The following PDE7B variants were observed in gnomAD, a reference collection of about 807,000 sequenced individuals.
The protein encoded by PDE7B is 3',5'-cyclic-AMP phosphodiesterase 7B.
A neutral mutation model predicts 56.2 loss-of-function variants in PDE7B; 29 were observed. The ratio of observed to expected loss-of-function variants is 0.52; its 90% CI spans 0.38 to 0.70. The LOEUF (loss-of-function observed/expected upper bound fraction) is 0.70, where lower values mean the gene tolerates loss of function less well. Ranked by LOEUF, PDE7B falls within the 30% of genes least tolerant of loss-of-function variation. PDE7B has a pLI of 0.00. For synonymous variants in PDE7B, 197 were observed against 196.9 expected (o/e 1.00, Z 0.00); for missense variants, 490 against 565.0 (o/e 0.87, Z 1.35).
chr6:135,938,829 A>C (rs990687152), intron 1 of PDE7B, among the ~76,000 whole-genome samples: 2 of 152,222 alleles, frequency 1.3e-5, no homozygotes, highest in Admixed American at 1.3e-4. Flanking sequence ...CTAGGGATAA[A>C]ATGACAGAAA....
chr6:136,130,167 A>C (rs1778093008), intron 3 of PDE7B, among the ~76,000 whole-genome samples: 1 of 152,188 alleles, frequency 6.6e-6, no homozygotes, highest in Admixed American at 6.5e-5. Context: ...GACCCAGTCC[A>C]TTACCAGAAA....
intron 2 of PDE7B, among the ~76,000 whole-genome samples, chr6:136,093,727 G>C (rs1287409997): frequency 6.6e-6 from 1 of 152,186 alleles, no homozygotes; most frequent in Non-Finnish European, 1.5e-5. Flanking sequence ...AACAGGACTT[G>C]CCACAAGTGG....
intron 2 of PDE7B, among the ~76,000 whole-genome samples, chr6:135,973,764 A>G (rs958767819): frequency 7.9e-5 from 12 of 152,120 alleles, no homozygotes; most frequent in Admixed American, 7.9e-4. Flanking sequence ...GGCCATTTTT[A>G]TATGTTTTAG....
At chr6:136,152,140 C>T (rs764954906) in intron 6 of PDE7B, among the ~76,000 whole-genome samples, 4 of 151,994 alleles carry the variant, frequency 2.6e-5, no homozygotes, top group African/African-American at 4.8e-5. Context: ...AGTGGACTCA[C>T]GTGGTTTAAA....
At chr6:136,010,020 C>T (rs1207333484) in intron 2 of PDE7B, among the ~76,000 whole-genome samples, 4 of 152,128 alleles carry the variant, frequency 2.6e-5, no homozygotes, top group Non-Finnish European at 4.4e-5. Context: ...TTCTCTAATT[C>T]TTTCAGTTGT....
In PDE7B at chr6:135,944,399, A is replaced by C. The variant is rs889086272; in HGVS notation, c.22-3065A>C. Among the ~76,000 whole-genome samples the C allele has an allele frequency of 8.5e-5, 13 of 152,222 alleles. No homozygotes were observed. In the South Asian group the frequency reaches 2.5e-3, roughly 29 times the overall value. On this transcript the variant is annotated intron_variant, in intron 1 of 12. Coordinates refer to ENST00000308191, the MANE Select transcript of PDE7B (RefSeq NM_018945.4). ...TCAACAGGAAAAAGCACTAGAAAGA[A>C]ACTGGTTTTTTTCAAGCCCTGAGAA...
At chr6:135,926,580 T>C (rs1774195567) in intron 1 of PDE7B, among the ~76,000 whole-genome samples, 1 of 152,068 alleles carries the variant, frequency 6.6e-6, no homozygotes, top group Admixed American at 6.6e-5. Context: ...AGAGCACTTT[T>C]CAAAGAGGGT....
At chr6:135,943,926 A>G (rs2128198995) in intron 1 of PDE7B, among the ~76,000 whole-genome samples, 1 of 152,356 alleles carries the variant, frequency 6.6e-6, no homozygotes, top group Non-Finnish European at 1.5e-5. Context: ...TGTTGCTAGC[A>G]GAGATCCAGC....
chr6:136,129,309 G>A (rs1778076027), intron 3 of PDE7B, among the ~76,000 whole-genome samples: 1 of 152,152 alleles, frequency 6.6e-6, no homozygotes, highest in African/African-American at 2.4e-5. Flanking sequence ...ATGGTGCTAA[G>A]TCTCATCTAT....
At chr6:135,906,798 T>A (rs1290123879) in intron 1 of PDE7B, among the ~76,000 whole-genome samples, 3 of 146,422 alleles carry the variant, frequency 2.0e-5, no homozygotes, top group Admixed American at 7.1e-5. Context: ...GACTCAAATG[T>A]TAATGAGGTT....
intron 8 of PDE7B, among the ~76,000 whole-genome samples, chr6:136,161,719 T>C: frequency 6.6e-6 from 1 of 152,190 alleles, no homozygotes; most frequent in East Asian, 1.9e-4. Context: ...AAAATTCAAA[T>C]AGGACTCTTT....
chr6:135,895,621 A>G (rs1414746556), intron 1 of PDE7B, among the ~76,000 whole-genome samples: 2 of 152,172 alleles, frequency 1.3e-5, no homozygotes, highest in East Asian at 1.9e-4. Context: ...AGGCAAAAAC[A>G]TTTCAGAAAT....
intron 4 of PDE7B, 59 bp from the exon 5 acceptor site, chr6:136,149,028 T>G: frequency 8.4e-7 from 1 of 1,184,598 alleles, no homozygotes; most frequent in East Asian, 2.3e-5. Context: ...TATCCCAAAG[T>G]AAATGTTTGA....
At chr6:135,966,819 G>A (rs1050579994) in intron 2 of PDE7B, among the ~76,000 whole-genome samples, 2 of 152,068 alleles carry the variant, frequency 1.3e-5, no homozygotes, top group Non-Finnish European at 2.9e-5. Context: ...AAGGTAACTC[G>A]GTGAAAAGGA....
At chr6:136,087,966 A>C (rs1172004224) in intron 2 of PDE7B, among the ~76,000 whole-genome samples, 1 of 152,312 alleles carries the variant, frequency 6.6e-6, no homozygotes, top group Non-Finnish European at 1.5e-5. Flanking sequence ...TCAACAAGTC[A>C]ATACCAGTGG....
At chr6:136,154,218 C>A in intron 7 of PDE7B, 43 bp downstream of exon 7, 2 of 1,257,170 alleles carry the variant, frequency 1.6e-6, no homozygotes, top group Non-Finnish European at 2.3e-6. Context: ...CTGGAAATGC[C>A]AAGGAAACTA....
At chr6:135,989,122 A>G (rs1775430273) in intron 2 of PDE7B, among the ~76,000 whole-genome samples, 1 of 152,204 alleles carries the variant, frequency 6.6e-6, no homozygotes, top group Non-Finnish European at 1.5e-5. Flanking sequence ...ATTAAGTTCT[A>G]TGTAATTAAA....
At chr6:136,096,672 T>C (rs1175171007) in intron 2 of PDE7B, among the ~76,000 whole-genome samples, 2 of 152,006 alleles carry the variant, frequency 1.3e-5, no homozygotes, top group Admixed American at 1.3e-4. Flanking sequence ...AAATTACTAT[T>C]ATTCTTAAGA....
At chr6:136,091,367 T>C (rs1777382116) in intron 2 of PDE7B, among the ~76,000 whole-genome samples, 1 of 152,156 alleles carries the variant, frequency 6.6e-6, no homozygotes, top group Admixed American at 6.6e-5. Flanking sequence ...GTAAAGAAAA[T>C]GTTCTGATAA....
Sources: allele counts gnomAD v4.1 joint callset (sites outside exome capture counted in the v4.1 genomes callset), GRCh38; gene constraint gnomAD v4.1.1; transcripts MANE v1.5; gene names NCBI Gene and HGNC (gene_info 2026-07-23, HGNC 2026-07-21).